Variants in MTMR12 observed in about 807,000 individuals in gnomAD.
The protein encoded by MTMR12 is myotubularin related protein 12.
In MTMR12, 33 loss-of-function variants were observed where a neutral mutation model predicts 96.7. The ratio of observed to expected loss-of-function variants is 0.34; its 90% CI spans 0.26 to 0.46. The LOEUF is 0.46. MTMR12 is among the 20% of genes least tolerant of loss of function. The probability of loss-of-function intolerance (pLI) is 1.00; values close to 1 mark genes in which losing one functional copy is unlikely to be tolerated. For missense variants in MTMR12, 721 were observed against 896.1 expected, an observed-to-expected ratio of 0.80 and a Z score of 2.49; for synonymous variants, 298 against 327.2, an observed-to-expected ratio of 0.91 and a Z score of 0.96.
intron 1 of MTMR12, among the ~76,000 whole-genome samples, chr5:32,304,768 G>T (rs749236592): frequency 2.8e-4 from 42 of 152,318 alleles, no homozygotes; most frequent in Admixed American, 2.0e-3. Context: ...GCAGCTGTTT[G>T]ATCAGGCTGC....
intron 2 of MTMR12, among the ~76,000 whole-genome samples, 177 bp from the exon 3 acceptor site, chr5:32,274,299 G>A (rs961983211): frequency 6.6e-6 from 1 of 152,106 alleles, no homozygotes; most frequent in African/African-American, 2.4e-5. Flanking sequence ...AGAAGATGCG[G>A]CAGAGTGGAA....
intron 6 of MTMR12, among the ~76,000 whole-genome samples, chr5:32,264,288 G>T (rs1258189688): frequency 2.0e-5 from 3 of 152,068 alleles, no homozygotes; most frequent in Admixed American, 6.6e-5. Context: ...ATCACAAATA[G>T]TTCAAGTCTT....
Position 32,312,928 on chromosome 5 carries a change from G to T in MTMR12, c.-90C>A. On this transcript the variant is annotated 5_prime_UTR_variant, in exon 1 of 16. Coordinates refer to ENST00000382142, the MANE Select transcript of MTMR12 (RefSeq NM_001040446.3). This position sits in a 1 kb window ranked among gnomAD's most constrained non-coding sequence, Gnocchi z 5.0. ...AGCAGCGGCGGCCACCAGCACTAGCGGCTGGGGCTCCGCCCATCCCCAAGG... is the reference window on the plus strand; with the variant it reads ...AGCAGCGGCGGCCACCAGCACTAGCTGCTGGGGCTCCGCCCATCCCCAAGG... 1 of 1,238,512 alleles carries T rather than the reference G, an allele frequency of 8.1e-7. No homozygotes were observed. The highest frequency in any genetic ancestry group is 1.1e-6 in the Non-Finnish European group (1 of 939,990). 76.7% of individuals were successfully genotyped at this position (1,238,512 alleles called of 1,614,324 possible).
chr5:32,290,449 G>A (rs1429493709), intron 1 of MTMR12, among the ~76,000 whole-genome samples: 1 of 152,180 alleles, frequency 6.6e-6, no homozygotes, highest in Non-Finnish European at 1.5e-5. Flanking sequence ...GTTCGGTGGT[G>A]TGCGGCCTGT....
chr5:32,258,520 G>C (rs570514893), intron 7 of MTMR12, among the ~76,000 whole-genome samples: 1 of 152,312 alleles, frequency 6.6e-6, no homozygotes, highest in Non-Finnish European at 1.5e-5. Flanking sequence ...GAACACTGTT[G>C]TTCCAGAAGA....
rs79698922 is a variant in MTMR12 at position 32,276,248 on chromosome 5, A to C, written c.142+434T>G. ...AAGGCTGGTAAACCCCAGCATCCCCAGTACACGTGCTCACATGCACAAGTG... is the reference window on the plus strand; with the variant it reads ...AAGGCTGGTAAACCCCAGCATCCCCCGTACACGTGCTCACATGCACAAGTG... On this transcript the variant is annotated intron_variant, in intron 2 of 15. Coordinates refer to ENST00000382142, the MANE Select transcript of MTMR12 (RefSeq NM_001040446.3). Among the ~76,000 whole-genome samples the C allele has an allele frequency of 4.6e-3, 704 of 152,370 alleles. 10 individuals are homozygous for C. The highest frequency in any genetic ancestry group is 0.016 in the African/African-American group (683 of 41,586).
intron 1 of MTMR12, among the ~76,000 whole-genome samples, chr5:32,309,069 C>T (rs1413408016): frequency 7.6e-6 from 1 of 131,508 alleles, no homozygotes; most frequent in South Asian, 2.5e-4. Flanking sequence ...AAAATGTGAC[C>T]ACTTCAGGCT....
chr5:32,253,817 T>C (rs1358050690), intron 8 of MTMR12, among the ~76,000 whole-genome samples: 2 of 152,064 alleles, frequency 1.3e-5, no homozygotes, highest in African/African-American at 4.8e-5. Flanking sequence ...AGAGATGGAG[T>C]CTCGCTTTGT....
intron 13 of MTMR12, among the ~76,000 whole-genome samples, chr5:32,237,578 T>C (rs1294240076): frequency 6.6e-6 from 1 of 152,050 alleles, no homozygotes; most frequent in African/African-American, 2.4e-5. Flanking sequence ...TGGCACAATC[T>C]TGGCTCACTG....
At chr5:32,257,700 G>A (rs1749194383) in intron 7 of MTMR12, among the ~76,000 whole-genome samples, 1 of 151,994 alleles carries the variant, frequency 6.6e-6, no homozygotes, top group Admixed American at 6.6e-5. Context: ...CCTGTGAGGT[G>A]GAGCTTGCAG....
chr5:32,285,435 G>A (rs1750498215), intron 1 of MTMR12, among the ~76,000 whole-genome samples: 1 of 151,346 alleles, frequency 6.6e-6, no homozygotes, highest in Admixed American at 6.6e-5. Flanking sequence ...CAAAGTGCTG[G>A]GATTATAGGT....
chr5:32,232,714 A>G (rs984114742), intron 15 of MTMR12, among the ~76,000 whole-genome samples: 1 of 152,266 alleles, frequency 6.6e-6, no homozygotes, highest in Non-Finnish European at 1.5e-5. Context: ...AAACTGGCAG[A>G]AGAGGCTCAG....
intron 2 of MTMR12, 110 bp from the exon 3 acceptor site, chr5:32,274,232 A>C: frequency 3.1e-6 from 4 of 1,271,700 alleles, no homozygotes; most frequent in Non-Finnish European, 4.3e-6. Flanking sequence ...ACAATACAAC[A>C]CAGGGCTTTA....
chr5:32,269,475 T>C (rs1241061679), intron 5 of MTMR12, among the ~76,000 whole-genome samples: 1 of 152,064 alleles, frequency 6.6e-6, no homozygotes, highest in African/African-American at 2.4e-5. Flanking sequence ...GGCTAATTTT[T>C]TGTATTTTTA....
chr5:32,262,332 G>A (rs753159094), intron 7 of MTMR12, among the ~76,000 whole-genome samples: 1 of 152,276 alleles, frequency 6.6e-6, no homozygotes, highest in South Asian at 2.1e-4. Context: ...CAGGCATGAT[G>A]GCTCATGCCT....
intron 1 of MTMR12, among the ~76,000 whole-genome samples, chr5:32,304,700 G>A (rs191712896): frequency 3.0e-4 from 45 of 152,310 alleles, no homozygotes; most frequent in South Asian, 6.2e-4. Context: ...TGATTTTAAC[G>A]TTCGAGCTAG....
At chr5:32,276,981 G>C (rs1750081577) in intron 1 of MTMR12, among the ~76,000 whole-genome samples, 1 of 131,014 alleles carries the variant, frequency 7.6e-6, no homozygotes, top group African/African-American at 2.8e-5. Context: ...TGCCTCCCAG[G>C]TTCAAGTGAT....
At chr5:32,292,088 C>G (rs2112133055) in intron 1 of MTMR12, among the ~76,000 whole-genome samples, 1 of 152,320 alleles carries the variant, frequency 6.6e-6, no homozygotes, top group East Asian at 1.9e-4. Context: ...ATGGAATTCA[C>G]TGGTCTTACC....
At position 32,276,734 on chromosome 5, in the gene MTMR12, G is replaced by C. The variant is rs922386918; in HGVS notation, c.90C>G (p.His30Gln). 2 of 1,613,404 alleles carry C rather than the reference G, an allele frequency of 1.2e-6. No individual in the cohort carries two copies. The highest frequency in any genetic ancestry group is 1.7e-6 in the Non-Finnish European group (2 of 1,179,592). ...FVSYVRPEEI[H>Q]TNEKEVTEKE... ...TCTCTGTTACTTCCTTTTCGTTTGT[G>C]TGAATTTCCTAAAAGAGAAGAGCAA... The change falls in exon 2 of 16, where the codon CAC becomes CAG. Residue 30 changes from histidine (H) to glutamine (Q), a missense_variant. By Grantham distance (24) the His-to-Gln change is conservative. Transcript: ENST00000382142.
Sources: allele counts gnomAD v4.1 joint callset (sites outside exome capture counted in the v4.1 genomes callset), GRCh38; gene constraint gnomAD v4.1.1; non-coding constraint Gnocchi (gnomAD v3.1); transcripts MANE v1.5; gene names NCBI Gene and HGNC (gene_info 2026-07-23, HGNC 2026-07-21).